The following TMEM232 variants were observed in gnomAD, a reference collection of about 807,000 sequenced individuals.
TMEM232 encodes transmembrane protein 232.
A neutral mutation model predicts 78.8 loss-of-function variants in TMEM232; 80 were observed. The ratio of observed to expected loss-of-function variants is 1.01; its 90% confidence interval spans 0.85 to 1.22. The LOEUF (loss-of-function observed/expected upper bound fraction) is 1.22. TMEM232 is among the 50% of genes most tolerant of loss of function. The probability of loss-of-function intolerance (pLI) is 0.00; values close to 1 mark genes in which losing one functional copy is unlikely to be tolerated. For missense variants in TMEM232, 881 were observed against 742.2 expected (o/e 1.19, Z -2.17); for synonymous variants, 297 against 254.3 (o/e 1.17, Z -1.60).
At chr5:110,457,274 ATAAT>A (rs772537208) in intron 12 of TMEM232, among the ~76,000 whole-genome samples, 2 of 152,128 alleles carry the variant, frequency 1.3e-5, no homozygotes, top group East Asian at 1.9e-4. Context: ...TTTGTTCTAC[ATAAT>A]TAGTCATTCA....
At chr5:110,403,587 G>A (rs1026911023) in intron 2 of TMEM232, among the ~76,000 whole-genome samples, 1 of 152,066 alleles carries the variant, frequency 6.6e-6, no homozygotes, top group African/African-American at 2.4e-5. Context: ...CAGACCTGCT[G>A]CAAAGATTTG....
intron 1 of TMEM232, among the ~76,000 whole-genome samples, chr5:110,695,005 T>C (rs1007240037): frequency 6.6e-6 from 1 of 152,150 alleles, no homozygotes; most frequent in African/African-American, 2.4e-5. Context: ...ATACATTCTT[T>C]TCAGCACCAC....
intron 2 of TMEM232, among the ~76,000 whole-genome samples, chr5:110,406,118 G>C (rs1157781978): frequency 6.6e-6 from 1 of 151,900 alleles, no homozygotes; most frequent in Non-Finnish European, 1.5e-5. Context: ...CTGAATGGCT[G>C]ATTCATCTAA....
chr5:110,648,813 G>A (rs1787887411), intron 2 of TMEM232, among the ~76,000 whole-genome samples: 2 of 152,150 alleles, frequency 1.3e-5, no homozygotes, highest in South Asian at 4.1e-4. Flanking sequence ...TTAAGTCATT[G>A]ATTCCACTTT....
chr5:110,528,821 G>C lies in TMEM232; in HGVS notation c.1470C>G (p.Asp490Glu). Residue 490 changes from aspartate (D) to glutamate (E), a missense_variant, in exon 12 of 14, where the codon GAC (aspartate) becomes GAG (glutamate). Coordinates refer to ENST00000455884, the MANE Select transcript of TMEM232 (RefSeq NM_001039763.4). ...TATATCTAGTGAAAGGATCAGTTGG[G>C]TCATTTAACTCAGCCTGTTGAAAGA... ...AINIAQAELN[D>E]PTDPFTRYST... 6.8e-7 allele frequency: 1 copy of C among 1,472,650 alleles called. No individual in the cohort carries two copies. Among genetic ancestry groups the C allele is most frequent in the Non-Finnish European group, 9.0e-7 (1 of 1,112,284 alleles). The allele number at this position is 1,472,650 out of a possible 1,614,324, so 91.2% of individuals were successfully genotyped here.
At chr5:110,709,958 C>CA (rs550896750) in intron 1 of TMEM232, among the ~76,000 whole-genome samples, 258 of 150,332 alleles carry the variant, frequency 1.7e-3, no homozygotes, top group African/African-American at 5.8e-3. Context: ...AGAAAAAAAT[C>CA]AAAAAAATCA....
intron 10 of TMEM232, among the ~76,000 whole-genome samples, chr5:110,601,206 A>G (rs1780847438): frequency 6.6e-6 from 1 of 152,232 alleles, no homozygotes; most frequent in South Asian, 2.1e-4. Context: ...ATCATACTGA[A>G]TAGGCAAAAG....
chr5:110,682,811 A>G (rs961532073), intron 1 of TMEM232, among the ~76,000 whole-genome samples: 3 of 152,086 alleles, frequency 2.0e-5, no homozygotes, highest in Non-Finnish European at 4.4e-5. Context: ...TGATCCCTCC[A>G]TGGTATCTGA....
chr5:110,633,009 G>C (rs1785333943), intron 5 of TMEM232, among the ~76,000 whole-genome samples: 1 of 152,000 alleles, frequency 6.6e-6, no homozygotes, highest in Non-Finnish European at 1.5e-5. Flanking sequence ...AGTCAGCCTT[G>C]AGCAGACTAA....
intron 12 of TMEM232, among the ~76,000 whole-genome samples, chr5:110,467,912 C>CTCTT (rs907628955): frequency 2.8e-5 from 4 of 143,794 alleles, no homozygotes; most frequent in Admixed American, 6.9e-5. Flanking sequence ...ATCTTCTATA[C>CTCTT]TCTTTGGCTT....
chr5:110,678,802 A>G (rs948106063), intron 1 of TMEM232, among the ~76,000 whole-genome samples: 2 of 151,588 alleles, frequency 1.3e-5, no homozygotes, highest in African/African-American at 4.9e-5. Context: ...AGATTGGCTT[A>G]TTTCATTTAG....
In TMEM232 at chr5:110,504,535, C is replaced by T. The variant is rs148928472; in HGVS notation, c.1703+24053G>A. 2.9e-3 allele frequency among the ~76,000 whole-genome samples: 446 copies of T among 152,236 alleles called. 3 individuals carry two copies. Among genetic ancestry groups the T allele is most frequent in the African/African-American group, 7.9e-3 (328 of 41,534 alleles). ...GTGATTGTAGAGGCTGCTGATAATT[C>T]CCAAGATCTGCAGTTGGCAAGCTAG... is the stretch of plus-strand genomic sequence containing the variant. On this transcript the variant is annotated intron_variant, in intron 12 of 13. Coordinates refer to ENST00000455884, the MANE Select transcript of TMEM232 (RefSeq NM_001039763.4).
chr5:110,456,880 A>G (rs1001597288), intron 12 of TMEM232, among the ~76,000 whole-genome samples: 2 of 152,168 alleles, frequency 1.3e-5, no homozygotes, highest in African/African-American at 4.8e-5. Flanking sequence ...AAAGTAACTA[A>G]AACTAGATCA....
At chr5:110,443,564 G>A (rs766931323) in intron 12 of TMEM232, among the ~76,000 whole-genome samples, 1 of 152,104 alleles carries the variant, frequency 6.6e-6, no homozygotes, top group African/African-American at 2.4e-5. Flanking sequence ...CCAAGAGCCT[G>A]TTTGTTACTC....
At chr5:110,493,343 T>C (rs1366407452) in intron 12 of TMEM232, among the ~76,000 whole-genome samples, 1 of 148,090 alleles carries the variant, frequency 6.8e-6, no homozygotes, top group Non-Finnish European at 1.5e-5. Flanking sequence ...AATTCCAAAA[T>C]GTGTACAGAA....
intron 10 of TMEM232, among the ~76,000 whole-genome samples, chr5:110,602,658 G>A (rs1319103324): frequency 2.0e-5 from 3 of 152,144 alleles, no homozygotes; most frequent in Non-Finnish European, 4.4e-5. Context: ...TGCTGGAGAG[G>A]ATCTGGAGAA....
chr5:110,406,310 G>GCACACA (rs1755792613), intron 2 of TMEM232, among the ~76,000 whole-genome samples: 1 of 93,638 alleles, frequency 1.1e-5, no homozygotes, highest in Admixed American at 1.1e-4. Context: ...ACACACATAT[G>GCACACA]TGTCTATATA....
intron 11 of TMEM232, among the ~76,000 whole-genome samples, chr5:110,540,097 C>A (rs2149575087): frequency 6.6e-6 from 1 of 152,310 alleles, no homozygotes; most frequent in South Asian, 2.1e-4. Context: ...TAGGCTCTCA[C>A]CCAGCTTCCG....
chr5:110,591,361 G>C (rs1000556895), intron 10 of TMEM232, among the ~76,000 whole-genome samples: 2 of 151,990 alleles, frequency 1.3e-5, no homozygotes, highest in African/African-American at 4.8e-5. Context: ...GGGAGGCTGT[G>C]GAATGAGAAT....
Sources: allele counts gnomAD v4.1 joint callset (sites outside exome capture counted in the v4.1 genomes callset), GRCh38; gene constraint gnomAD v4.1.1; transcripts MANE v1.5; gene names NCBI Gene and HGNC (gene_info 2026-07-23, HGNC 2026-07-21).